Variants in TNRC18 observed in about 807,000 individuals in gnomAD.
TNRC18 encodes trinucleotide repeat containing 18, also known as trinucleotide repeat-containing gene 18 protein.
In TNRC18, 69 loss-of-function variants were observed where a neutral mutation model predicts 226.7. The ratio of observed to expected loss-of-function variants is 0.30; its 90% CI spans 0.25 to 0.37. The LOEUF is 0.37. TNRC18 is among the 10% of genes least tolerant of loss of function. TNRC18 has a pLI of 1.00. For missense variants in TNRC18, 4,754 were observed against 4,256.6 expected, an observed-to-expected ratio of 1.12 and a Z score of -3.25; for synonymous variants, 2,449 against 1,927.6, an observed-to-expected ratio of 1.27 and a Z score of -7.09.
chr7:5,309,324 G>T lies in TNRC18; in HGVS notation c.8433C>A (p.Ala2811=), dbSNP rs767035447. 6.2e-7 allele frequency: 1 copy of T among 1,613,766 alleles called. No individual in the cohort carries two copies. The highest frequency in any genetic ancestry group is 2.2e-5 in the East Asian group (1 of 44,890). The change falls in exon 28 of 30, where the codon GCC becomes GCA. Residue 2811 remains alanine, a synonymous_variant. Coordinates refer to ENST00000430969, the MANE Select transcript of TNRC18 (RefSeq NM_001080495.3). The surrounding 1 kb of genome is among the most constrained non-coding windows in gnomAD (Gnocchi z 5.7). ...GGATCATCTCCTTGCCGCGCACGAT[G>T]GCCTTGTAGAAGAGCTTGCGGGCCT... The part of the protein sequence containing the change: ...KGKARKLFYK[A]IVRGKEMIRI...
At chr7:5,335,300 T>TGAAA (rs1562508489) in intron 18 of TNRC18, among the ~76,000 whole-genome samples, 753 of 10,566 alleles carry the variant, frequency 0.071, 13 homozygotes, top group African/African-American at 0.13. Context: ...AGAATCTGTC[T>TGAAA]CAAAAAAAAA....
intron 2 of TNRC18, chr7:5,419,838 G>C (rs1042159415): frequency 1.3e-5 from 2 of 152,328 alleles, no homozygotes; most frequent in African/African-American, 4.8e-5. Context: ...AAAAATCAAA[G>C]AGAGAGCAAA....
chr7:5,314,855 G>A (rs1787683621), intron 26 of TNRC18, 129 bp downstream of exon 26: 1 of 1,030,974 alleles, frequency 9.7e-7, no homozygotes, highest in South Asian at 1.7e-5. Context: ...TTACAGGTGT[G>A]AGGCACTGCA....
At position 5,423,668 on chromosome 7, in the gene TNRC18, C is replaced by A. The variant is rs961255491; in HGVS notation, c.-471G>T. The A allele has an allele frequency of 3.9e-5, 6 of 152,066 alleles. No homozygotes were observed. The highest frequency in any genetic ancestry group is 1.3e-4 in the Admixed American group (2 of 15,268). The allele number at this position is 152,066 out of a possible 1,614,324, so 9.4% of individuals were successfully genotyped here. On this transcript the variant is annotated 5_prime_UTR_variant, in exon 1 of 30. Transcript: ENST00000430969. ...CCAACTCCTCCGCCCTCCCGCGGCC[C>A]GGCTCCCGCAGCCCCCGGAAAAGCC...
Position 5,308,024 on chromosome 7 carries a change from C to A in TNRC18, c.*82G>T, listed in dbSNP as rs1210127661. 7.5e-7 allele frequency: 1 copy of A among 1,324,664 alleles called. No individual in the cohort carries two copies. 82.1% of individuals were successfully genotyped at this position (1,324,664 alleles called of 1,614,324 possible). A position where few individuals can be genotyped will look rare whatever the true frequency, so the allele number is the denominator to read the frequency against. On this transcript the variant is annotated 3_prime_UTR_variant, in exon 30 of 30. Transcript: ENST00000430969. ...GGAGCGCTCGCATGCACACAACGCA[C>A]GTGGTCTCCGCGCCATGGCAGTGAT...
In TNRC18 at chr7:5,376,225, C is replaced by T; in HGVS notation, c.2609-1G>A. ...ACGGTGGCCCGCTCCATCAGCTCCG[C>T]TGCAGGGACAGAGACAGTGCGCTGC... On this transcript the variant is annotated splice_acceptor_variant, in intron 8 of 29. Coordinates refer to ENST00000430969, the MANE Select transcript of TNRC18 (RefSeq NM_001080495.3). LOFTEE classifies it high-confidence loss of function. The T allele has an allele frequency of 6.7e-7, 1 of 1,495,414 alleles. No homozygotes were observed. Among genetic ancestry groups the T allele is most frequent in the Non-Finnish European group, 8.9e-7 (1 of 1,126,890 alleles). 92.6% of individuals were successfully genotyped at this position (1,495,414 alleles called of 1,614,324 possible).
chr7:5,318,485 G>T (rs1413502109), intron 24 of TNRC18, among the ~76,000 whole-genome samples: 1 of 152,120 alleles, frequency 6.6e-6, no homozygotes, highest in Non-Finnish European at 1.5e-5. Flanking sequence ...AAGTTCCAGG[G>T]AAAACATGAA....
In TNRC18 at chr7:5,406,687, C is replaced by A. The variant is rs1038713724; in HGVS notation, c.188-12092G>T. The stretch of plus-strand genomic sequence containing the variant: ...CCAACAGGGTGAAACCCCGTCTCTA[C>A]TAAAAATACAAAAATTAGCTGGGCA... On this transcript the variant is annotated intron_variant, in intron 2 of 29. Coordinates refer to ENST00000430969, the MANE Select transcript of TNRC18 (RefSeq NM_001080495.3). Among the ~76,000 whole-genome samples, 7 of 151,692 alleles carry A rather than the reference C, an allele frequency of 4.6e-5. No individual in the cohort carries two copies. In the South Asian group the frequency reaches 1.5e-3, roughly 32 times the overall value.
At chr7:5,358,747 G>A (rs1792717952) in intron 15 of TNRC18, among the ~76,000 whole-genome samples, 1 of 152,206 alleles carries the variant, frequency 6.6e-6, no homozygotes, top group Non-Finnish European at 1.5e-5. Flanking sequence ...CTGGGAGGCG[G>A]ATGTTGCAGT....
At chr7:5,329,051 G>A (rs537510221) in intron 19 of TNRC18, among the ~76,000 whole-genome samples, 4 of 152,028 alleles carry the variant, frequency 2.6e-5, no homozygotes, top group Admixed American at 2.0e-4. Context: ...GCCTATAATC[G>A]CAACACATTG....
At chr7:5,384,518 G>A (rs1195497296) in intron 5 of TNRC18, among the ~76,000 whole-genome samples, 3 of 140,298 alleles carry the variant, frequency 2.1e-5, no homozygotes, top group Non-Finnish European at 3.1e-5. Context: ...CCTCACATTC[G>A]CATGTCCCCC....
intron 16 of TNRC18, among the ~76,000 whole-genome samples, chr7:5,353,168 C>T (rs537478467): frequency 2.0e-5 from 3 of 152,326 alleles, no homozygotes; most frequent in African/African-American, 7.2e-5. Context: ...TTGTATGCTC[C>T]AATCTGTCCC....
At chr7:5,340,553 A>C (rs1011192550) in intron 18 of TNRC18, among the ~76,000 whole-genome samples, 2 of 144,894 alleles carry the variant, frequency 1.4e-5, no homozygotes, top group South Asian at 4.5e-4. Context: ...CCTGGCCAAC[A>C]TGGTGAAACC....
rs1413359712 is a variant in TNRC18 at position 5,388,269 on chromosome 7, C to G, written c.1555G>C (p.Ala519Pro). 2 of 1,608,726 alleles carry G rather than the reference C, an allele frequency of 1.2e-6. No homozygotes were observed. Among genetic ancestry groups the G allele is most frequent in the Admixed American group, 3.4e-5 (2 of 59,666 alleles). The change falls in exon 5 of 30, where the codon GCC becomes CCC. Residue 519 changes from alanine to proline, a missense_variant. Coordinates refer to ENST00000430969, the MANE Select transcript of TNRC18 (RefSeq NM_001080495.3). Reference protein sequence around the residue: ...KWKPFELGNFAATQMAVLAAQ... With the variant: ...KWKPFELGNFPATQMAVLAAQ... The stretch of plus-strand genomic sequence containing the variant: ...GCCAGCACGGCCATCTGCGTGGCGG[C>G]GAAGTTGCCCAGCTCGAAGGGTTTC...
intron 19 of TNRC18, among the ~76,000 whole-genome samples, chr7:5,330,287 C>T (rs187217683): frequency 2.1e-4 from 32 of 152,118 alleles, no homozygotes; most frequent in Admixed American, 2.0e-3. Context: ...TGGAGTGAGG[C>T]AGTATGATCA....
intron 2 of TNRC18, among the ~76,000 whole-genome samples, chr7:5,410,036 C>T (rs1046912650): frequency 2.0e-5 from 3 of 150,552 alleles, no homozygotes; most frequent in Non-Finnish European, 3.0e-5. Flanking sequence ...TCAGATCAGA[C>T]GCAGTGGCTC....
chr7:5,356,329 TAAC>T (rs1460163320), intron 16 of TNRC18, among the ~76,000 whole-genome samples: 4 of 151,886 alleles, frequency 2.6e-5, no homozygotes, highest in African/African-American at 4.8e-5. Context: ...TCATCCCCAG[TAAC>T]AACATGGGGG....
At chr7:5,417,463 C>T (rs188729915) in intron 2 of TNRC18, among the ~76,000 whole-genome samples, 2 of 152,262 alleles carry the variant, frequency 1.3e-5, no homozygotes, top group Admixed American at 1.3e-4. Context: ...GAGTAAAACC[C>T]TATCTCAAAA....
At chr7:5,327,912 T>C (rs1263756280) in intron 19 of TNRC18, among the ~76,000 whole-genome samples, 2 of 152,232 alleles carry the variant, frequency 1.3e-5, no homozygotes, top group South Asian at 2.1e-4. Flanking sequence ...GGCAGTGGGA[T>C]GGCATTCAAC....
Sources: gnomAD v4.1 joint callset for allele counts (sites outside exome capture counted in the v4.1 genomes callset) on GRCh38, gnomAD v4.1.1 for gene constraint, Gnocchi (gnomAD v3.1) non-coding constraint, MANE v1.5 for transcripts, NCBI Gene and HGNC (gene_info 2026-07-23, HGNC 2026-07-21) for gene names.